Variants in MYO1D observed in about 807,000 individuals in gnomAD.
The protein encoded by MYO1D is unconventional myosin-Id.
MYO1D carries 83 observed loss-of-function variants against 122.0 expected under a neutral mutation model. The observed-to-expected ratio is 0.68, with a 90% confidence interval of 0.57 to 0.82. The LOEUF (loss-of-function observed/expected upper bound fraction) is 0.82, where lower values mean the gene tolerates loss of function less well. Among genes scored for constraint, MYO1D ranks in the 40% least tolerant of loss-of-function variants. The pLI, the probability that MYO1D is intolerant of heterozygous loss-of-function variation, is 0.00. For missense variants in MYO1D, 1,157 were observed against 1,269.5 expected, an observed-to-expected ratio of 0.91 and a Z score of 1.35; for synonymous variants, 464 against 446.9, an observed-to-expected ratio of 1.04 and a Z score of -0.48.
chr17:32,601,961 CTTAG>C (rs1207702445), intron 21 of MYO1D, among the ~76,000 whole-genome samples: 1 of 152,138 alleles, frequency 6.6e-6, no homozygotes, highest in Non-Finnish European at 1.5e-5. Context: ...CTAATTTATA[CTTAG>C]TTGGTTTTTG....
chr17:32,717,981 G>C (rs1045647231), intron 15 of MYO1D, among the ~76,000 whole-genome samples: 1 of 151,912 alleles, frequency 6.6e-6, no homozygotes, highest in East Asian at 1.9e-4. Flanking sequence ...CATGGGTTTT[G>C]CTGCTCCTGG....
chr17:32,531,218 C>T (rs1193722617), intron 21 of MYO1D: 1 of 152,238 alleles, frequency 6.6e-6, no homozygotes, highest in African/African-American at 2.4e-5. Flanking sequence ...TAGGCTTTCT[C>T]TTTCTTTCAG....
At chr17:32,753,325 A>C (rs912282148) in intron 11 of MYO1D, among the ~76,000 whole-genome samples, 2 of 152,198 alleles carry the variant, frequency 1.3e-5, no homozygotes, top group African/African-American at 4.8e-5. Context: ...CTAGAGGCCC[A>C]AAGTTTACCT....
intron 21 of MYO1D, among the ~76,000 whole-genome samples, chr17:32,567,638 G>C (rs545194364): frequency 6.6e-6 from 1 of 152,196 alleles, no homozygotes; most frequent in Non-Finnish European, 1.5e-5. Flanking sequence ...AACATGCTAA[G>C]AACTTGGGCT....
intron 20 of MYO1D, among the ~76,000 whole-genome samples, chr17:32,613,252 C>A (rs1461302573): frequency 1.3e-5 from 2 of 151,970 alleles, no homozygotes; most frequent in Non-Finnish European, 2.9e-5. Flanking sequence ...TACTTAAATG[C>A]TCTACAATAT....
At chr17:32,696,788 T>A (rs1366274591) in intron 16 of MYO1D, among the ~76,000 whole-genome samples, 2 of 152,240 alleles carry the variant, frequency 1.3e-5, no homozygotes, top group African/African-American at 4.8e-5. Flanking sequence ...CTATGTTTGT[T>A]ACAGAAAACA....
chr17:32,836,852 T>C (rs989476599), intron 1 of MYO1D, among the ~76,000 whole-genome samples: 1 of 152,276 alleles, frequency 6.6e-6, no homozygotes. Context: ...GCTACTCTTT[T>C]TACACTTTTA....
chr17:32,623,421 G>C (rs1331711148), intron 20 of MYO1D, among the ~76,000 whole-genome samples: 1 of 152,148 alleles, frequency 6.6e-6, no homozygotes, highest in Non-Finnish European at 1.5e-5. Flanking sequence ...CCTCCCAGTG[G>C]TATGTGTGTG....
At chr17:32,694,426 T>C (rs2089144186) in intron 16 of MYO1D, among the ~76,000 whole-genome samples, 1 of 152,150 alleles carries the variant, frequency 6.6e-6, no homozygotes, top group Non-Finnish European at 1.5e-5. Flanking sequence ...TCTTCTTATT[T>C]AAAATTTGCT....
chr17:32,799,296 G>A (rs2090442018), intron 1 of MYO1D, among the ~76,000 whole-genome samples: 1 of 152,136 alleles, frequency 6.6e-6, no homozygotes, highest in African/African-American at 2.4e-5. Flanking sequence ...AGATCTAACT[G>A]AGAGAGAAAT....
At chr17:32,725,584 G>A (rs1333479579) in intron 14 of MYO1D, among the ~76,000 whole-genome samples, 1 of 151,630 alleles carries the variant, frequency 6.6e-6, no homozygotes, top group Non-Finnish European at 1.5e-5. Flanking sequence ...TAGGTGAGAA[G>A]AAATTTTCTG....
intron 16 of MYO1D, among the ~76,000 whole-genome samples, chr17:32,688,930 T>G (rs2089058588): frequency 1.3e-5 from 2 of 151,890 alleles, no homozygotes; most frequent in East Asian, 3.9e-4. Context: ...AGTGTGTGTG[T>G]GTGTGTGTGT....
At chr17:32,522,009 C>A (rs2952464) in intron 21 of MYO1D, among the ~76,000 whole-genome samples, 2 of 138,798 alleles carry the variant, frequency 1.4e-5, no homozygotes, top group Non-Finnish European at 3.0e-5. Flanking sequence ...TTGAACCCAG[C>A]GGGCAGAAGT....
chr17:32,647,686 CATTT>C (rs941620336), intron 19 of MYO1D, among the ~76,000 whole-genome samples: 13 of 98,522 alleles, frequency 1.3e-4, no homozygotes, highest in African/African-American at 4.2e-4. Context: ...ATAGCTTATA[CATTT>C]TTTTTTTTTT....
At chr17:32,654,222 G>A (rs531195704) in intron 18 of MYO1D, among the ~76,000 whole-genome samples, 3 of 152,208 alleles carry the variant, frequency 2.0e-5, no homozygotes, top group Admixed American at 1.3e-4. Context: ...ATGATGTAAG[G>A]GAAGGTTTAA....
intron 21 of MYO1D, among the ~76,000 whole-genome samples, chr17:32,528,720 G>C (rs78718322): frequency 0.035 from 5,277 of 152,264 alleles, 190 homozygotes; most frequent in African/African-American, 0.088. Context: ...ACAGACAGGA[G>C]GAGGAGGAGG....
intron 21 of MYO1D, among the ~76,000 whole-genome samples, chr17:32,600,400 G>A (rs1461635086): frequency 2.0e-5 from 3 of 152,198 alleles, no homozygotes; most frequent in South Asian, 2.1e-4. Flanking sequence ...CTCTAGCTAC[G>A]GAAGTCCTAG....
At position 32,642,011 on chromosome 17, in the gene MYO1D, C is replaced by T. The variant is rs375014375; in HGVS notation, c.2596-3176G>A. Among the ~76,000 whole-genome samples the T allele has an allele frequency of 4.4e-4, 67 of 152,290 alleles. 1 individual carries two copies. Among genetic ancestry groups the T allele is most frequent in the Non-Finnish European group, 7.6e-4 (52 of 68,036 alleles). On this transcript the variant is annotated intron_variant, in intron 19 of 21. Coordinates refer to ENST00000318217, the MANE Select transcript of MYO1D (RefSeq NM_015194.3). Reference sequence around the variant, plus strand: ...TTAGACATGAAGTTCTTGCCCATGCCTATGTCTGAATGTTATTGCCTAGGT... The same window carrying T: ...TTAGACATGAAGTTCTTGCCCATGCTTATGTCTGAATGTTATTGCCTAGGT...
intron 1 of MYO1D, among the ~76,000 whole-genome samples, chr17:32,830,615 A>G (rs1199140202): frequency 2.0e-5 from 3 of 152,230 alleles, no homozygotes; most frequent in Admixed American, 2.0e-4. Flanking sequence ...ATTCTTTAAA[A>G]TCATATAGGC....
Sources: gnomAD v4.1 joint callset for allele counts (sites outside exome capture counted in the v4.1 genomes callset) on GRCh38, gnomAD v4.1.1 for gene constraint, MANE v1.5 for transcripts, NCBI Gene and HGNC (gene_info 2026-07-23, HGNC 2026-07-21) for gene names.